ZBTB7C: variants seen among roughly 807,000 people sequenced by gnomAD.
The protein encoded by ZBTB7C is zinc finger and BTB domain containing 7C.
In ZBTB7C, 8 loss-of-function variants were observed where a neutral mutation model predicts 25.7. The ratio of observed to expected loss-of-function variants is 0.31; its 90% CI spans 0.18 to 0.56. ZBTB7C has a LOEUF of 0.56. Among genes scored for constraint, ZBTB7C ranks in the 20% least tolerant of loss-of-function variants. The pLI, the probability that ZBTB7C is intolerant of heterozygous loss-of-function variation, is 0.91. For synonymous variants in ZBTB7C, 394 were observed against 369.0 expected (o/e 1.07, Z -0.78); for missense variants, 824 against 855.2 (o/e 0.96, Z 0.46).
intron 4 of ZBTB7C, among the ~76,000 whole-genome samples, chr18:48,034,414 T>C (rs2035882674): frequency 6.6e-6 from 1 of 152,108 alleles, no homozygotes; most frequent in Non-Finnish European, 1.5e-5. Flanking sequence ...CTTCCCCGTG[T>C]GTGCATGTCT....
At chr18:48,229,902 G>A (rs2043206849) in intron 2 of ZBTB7C, among the ~76,000 whole-genome samples, 1 of 152,138 alleles carries the variant, frequency 6.6e-6, no homozygotes, top group Admixed American at 6.5e-5. Flanking sequence ...TGGGGAATGT[G>A]CCCTGCAGGT....
chr18:48,039,777 C>CGA, intron 4 of ZBTB7C, 123 bp downstream of exon 4: 1 of 1,029,352 alleles, frequency 9.7e-7, no homozygotes, highest in African/African-American at 1.6e-5. Context: ...CTGCTAGCCA[C>CGA]GAGCCTGCAT....
At chr18:48,208,108 T>C (rs1305099052) in intron 2 of ZBTB7C, among the ~76,000 whole-genome samples, 1 of 151,906 alleles carries the variant, frequency 6.6e-6, no homozygotes, top group African/African-American at 2.4e-5. Context: ...CCAGGCAAGG[T>C]ATAATGAGGG....
chr18:48,162,767 A>G (rs947997322), intron 3 of ZBTB7C, among the ~76,000 whole-genome samples: 2 of 152,238 alleles, frequency 1.3e-5, no homozygotes, highest in African/African-American at 4.8e-5. Flanking sequence ...CAATGAGATA[A>G]TGTACAGGGA....
intron 2 of ZBTB7C, among the ~76,000 whole-genome samples, chr18:48,194,937 C>A (rs2042284560): frequency 1.3e-5 from 2 of 152,098 alleles, no homozygotes; most frequent in Middle Eastern, 3.2e-3. Flanking sequence ...ATCCCTGCTT[C>A]CCCTTGGCTA....
At chr18:48,334,208 A>C (rs985477549) in intron 2 of ZBTB7C, among the ~76,000 whole-genome samples, 5 of 152,226 alleles carry the variant, frequency 3.3e-5, no homozygotes, top group Non-Finnish European at 4.4e-5. Flanking sequence ...GAGACCCCCC[A>C]CACACAACAG....
At chr18:48,266,438 G>T (rs757556803) in intron 2 of ZBTB7C, among the ~76,000 whole-genome samples, 3 of 152,176 alleles carry the variant, frequency 2.0e-5, no homozygotes, top group African/African-American at 4.8e-5. Context: ...ACCACACCCC[G>T]GATGTTGGAA....
chr18:48,208,824 T>A (rs1005816511), intron 2 of ZBTB7C, among the ~76,000 whole-genome samples: 1 of 152,214 alleles, frequency 6.6e-6, no homozygotes, highest in South Asian at 2.1e-4. Flanking sequence ...GATTTATTGA[T>A]ATTTGTTTGC....
intron 1 of ZBTB7C, among the ~76,000 whole-genome samples, chr18:48,402,957 A>C (rs2048195228): frequency 6.6e-6 from 1 of 152,254 alleles, no homozygotes; most frequent in East Asian, 1.9e-4. Context: ...GCACCAGTTC[A>C]GTGGGGTTTG....
chr18:48,279,701 C>T (rs1378086688), intron 2 of ZBTB7C, among the ~76,000 whole-genome samples: 3 of 152,208 alleles, frequency 2.0e-5, no homozygotes, highest in African/African-American at 7.2e-5. Context: ...CCCACTGAAG[C>T]CTCACTGGTG....
At chr18:48,248,169 T>A (rs1198671574) in intron 2 of ZBTB7C, among the ~76,000 whole-genome samples, 1 of 152,062 alleles carries the variant, frequency 6.6e-6, no homozygotes, top group Non-Finnish European at 1.5e-5. Flanking sequence ...CTTTCCTTTA[T>A]AAATTACCCA....
At chr18:48,213,731 C>G (rs1212157666) in intron 2 of ZBTB7C, among the ~76,000 whole-genome samples, 1 of 152,156 alleles carries the variant, frequency 6.6e-6, no homozygotes, top group Admixed American at 6.5e-5. Context: ...TGTTCTGACC[C>G]CAATGCAGAG....
chr18:48,274,581 T>C (rs372956264), intron 2 of ZBTB7C, among the ~76,000 whole-genome samples: 54 of 152,318 alleles, frequency 3.5e-4, no homozygotes, highest in Non-Finnish European at 7.4e-4. Flanking sequence ...GCTGCATTGA[T>C]CCACACAGTA....
intron 3 of ZBTB7C, among the ~76,000 whole-genome samples, chr18:48,051,517 C>T (rs372461545): frequency 6.6e-6 from 1 of 152,176 alleles, no homozygotes; most frequent in Non-Finnish European, 1.5e-5. Context: ...GCACTTTGAC[C>T]TCTTTGGTGG....
chr18:48,347,015 C>T (rs2046746900), intron 1 of ZBTB7C, among the ~76,000 whole-genome samples: 1 of 151,880 alleles, frequency 6.6e-6, no homozygotes, highest in Admixed American at 6.6e-5. Context: ...GAGCTCCTGA[C>T]CTCATGATCC....
chr18:48,197,136 G>A (rs954257001), intron 2 of ZBTB7C, among the ~76,000 whole-genome samples: 1 of 152,110 alleles, frequency 6.6e-6, no homozygotes, highest in African/African-American at 2.4e-5. Context: ...TGCATGCAAG[G>A]CCTGGAGCTG....
At chr18:48,282,837 G>A (rs2044909224) in intron 2 of ZBTB7C, among the ~76,000 whole-genome samples, 1 of 152,166 alleles carries the variant, frequency 6.6e-6, no homozygotes, top group South Asian at 2.1e-4. Context: ...TCAGGACAAT[G>A]GTTACCCTTA....
intron 1 of ZBTB7C, among the ~76,000 whole-genome samples, chr18:48,405,509 G>A (rs2048260206): frequency 1.3e-5 from 2 of 152,216 alleles, no homozygotes; most frequent in Non-Finnish European, 2.9e-5. Context: ...ACCTCACTTT[G>A]TGCAAATGGG....
chr18:48,273,220 T>C (rs1278149893), intron 2 of ZBTB7C, among the ~76,000 whole-genome samples: 1 of 152,104 alleles, frequency 6.6e-6, no homozygotes, highest in East Asian at 1.9e-4. Context: ...ATCATAAAGC[T>C]CATATGGAAG....
Sources: allele counts gnomAD v4.1 joint callset (sites outside exome capture counted in the v4.1 genomes callset), GRCh38; gene constraint gnomAD v4.1.1; transcripts MANE v1.5; gene names NCBI Gene and HGNC (gene_info 2026-07-23, HGNC 2026-07-21).